The following EDA variants were observed in gnomAD, a reference collection of about 807,000 sequenced individuals.
EDA encodes the protein ectodysplasin A.
EDA carries 2 observed loss-of-function variants against 23.6 expected under a neutral mutation model. The observed-to-expected ratio is 0.08, with a 90% confidence interval of 0.03 to 0.27. EDA has a LOEUF of 0.27. Among genes scored for constraint, EDA ranks in the 10% least tolerant of loss-of-function variants. The pLI is 1.00. For synonymous variants in EDA, 131 were observed against 132.0 expected (o/e 0.99, Z 0.05); for missense variants, 229 against 324.2 (o/e 0.71, Z 2.26).
intron 1 of EDA, among the ~76,000 whole-genome samples, chrX:69,729,688 C>A (rs768893333): frequency 8.9e-6 from 1 of 111,785 alleles, no homozygotes; most frequent in Non-Finnish European, 1.9e-5. Context: ...GTATGTTCTA[C>A]GCAAAGCTAC....
chrX:69,712,900 A>G (rs2012133206), intron 1 of EDA, among the ~76,000 whole-genome samples: 2 of 111,057 alleles, frequency 1.8e-5, no homozygotes, highest in Admixed American at 9.6e-5. Flanking sequence ...TGATGAGTTC[A>G]TGTCCTTTGT....
chrX:69,961,196 A>G (rs2019097045), intron 2 of EDA, among the ~76,000 whole-genome samples: 1 of 111,319 alleles, frequency 9.0e-6, no homozygotes, highest in Admixed American at 9.6e-5. Flanking sequence ...GCTGGTCTCG[A>G]ACTGCTGACG....
chrX:69,800,192 G>A (rs1041437281), intron 1 of EDA, among the ~76,000 whole-genome samples: 3 of 111,793 alleles, frequency 2.7e-5, no homozygotes, highest in African/African-American at 9.7e-5. Context: ...GAGTGGAATG[G>A]ATACCAGAGA....
At chrX:69,909,937 C>T (rs780310394) in intron 1 of EDA, among the ~76,000 whole-genome samples, 2 of 111,453 alleles carry the variant, frequency 1.8e-5, no homozygotes, top group Non-Finnish European at 3.8e-5. Context: ...TTTCTATTTT[C>T]AGCCTAAATC....
intron 1 of EDA, among the ~76,000 whole-genome samples, chrX:69,848,272 T>C (rs774062070): frequency 9.0e-6 from 1 of 111,699 alleles, no homozygotes; most frequent in Non-Finnish European, 1.9e-5. Flanking sequence ...AATTTGGTTG[T>C]GAATAGGCAT....
intron 2 of EDA, among the ~76,000 whole-genome samples, chrX:70,011,838 T>C (rs1168917491): frequency 8.9e-6 from 1 of 111,924 alleles, no homozygotes; most frequent in African/African-American, 3.3e-5. Flanking sequence ...TTTGTATGAT[T>C]GATCCTCATC....
At chrX:69,836,387 C>T (rs1445884423) in intron 1 of EDA, among the ~76,000 whole-genome samples, 1 of 112,419 alleles carries the variant, frequency 8.9e-6, no homozygotes, top group Non-Finnish European at 1.9e-5. Flanking sequence ...TGGTGGGCAC[C>T]GCCCAGTTCA....
chrX:69,858,390 G>A (rs2017304490), intron 1 of EDA, among the ~76,000 whole-genome samples: 1 of 111,527 alleles, frequency 9.0e-6, no homozygotes, highest in East Asian at 2.8e-4. Flanking sequence ...ATTATTTTTA[G>A]GTATGCTTCT....
At chrX:69,871,774 A>G (rs1289144214) in intron 1 of EDA, among the ~76,000 whole-genome samples, 1 of 112,451 alleles carries the variant, frequency 8.9e-6, no homozygotes, top group African/African-American at 3.2e-5. Flanking sequence ...ACCTAAGAAT[A>G]ACTGGCTTTC....
chrX:69,679,250 C>T (rs1217661663), intron 1 of EDA, among the ~76,000 whole-genome samples: 18 of 105,034 alleles, frequency 1.7e-4, no homozygotes, highest in African/African-American at 5.9e-4. Flanking sequence ...ATTTTTGCAT[C>T]GATGTTCATC....
At chrX:69,793,398 C>T (rs2015457536) in intron 1 of EDA, among the ~76,000 whole-genome samples, 1 of 107,339 alleles carries the variant, frequency 9.3e-6, no homozygotes, top group African/African-American at 3.4e-5. Flanking sequence ...TAATTATCTC[C>T]CATAACACAC....
intron 1 of EDA, among the ~76,000 whole-genome samples, chrX:69,874,685 G>A (rs967125122): frequency 1.8e-5 from 2 of 111,751 alleles, no homozygotes; most frequent in East Asian, 2.8e-4. Context: ...ATCCAGATTC[G>A]TAGAGAGGAT....
chrX:69,963,392 G>A (rs1388297251), intron 2 of EDA, among the ~76,000 whole-genome samples: 1 of 111,554 alleles, frequency 9.0e-6, no homozygotes, highest in Non-Finnish European at 1.9e-5. Context: ...TTTTGAGAGC[G>A]ATAGAGTTTC....
chrX:69,921,767 T>C (rs1050071421), intron 1 of EDA, among the ~76,000 whole-genome samples: 26 of 111,599 alleles, frequency 2.3e-4, no homozygotes, highest in Non-Finnish European at 4.5e-4. Flanking sequence ...CTGTATCCCA[T>C]CCTGAGATCA....
At chrX:70,007,513 G>GT (rs1317237513) in intron 2 of EDA, among the ~76,000 whole-genome samples, 1 of 111,705 alleles carries the variant, frequency 9.0e-6, no homozygotes, top group Non-Finnish European at 1.9e-5. Flanking sequence ...AGACATGCCT[G>GT]TTTTGCCTTC....
chrX:69,990,740 CTT>C (rs747453925), intron 2 of EDA, among the ~76,000 whole-genome samples: 1 of 90,761 alleles, frequency 1.1e-5, no homozygotes, highest in Non-Finnish European at 2.2e-5. Context: ...TTTGCTAGGG[CTT>C]TTTTTTTTTT....
At chrX:69,695,930 C>T (rs1237445878) in intron 1 of EDA, among the ~76,000 whole-genome samples, 1 of 110,691 alleles carries the variant, frequency 9.0e-6, no homozygotes, top group Non-Finnish European at 1.9e-5. Flanking sequence ...AAAGAACTCT[C>T]AAAATTTCCT....
At chrX:69,751,463 C>T (rs1242358632) in intron 1 of EDA, among the ~76,000 whole-genome samples, 2 of 112,166 alleles carry the variant, frequency 1.8e-5, no homozygotes, top group African/African-American at 6.5e-5. Flanking sequence ...TAGCGCGATG[C>T]CTCCAGCTTT....
chrX:70,014,748 CTA>C (rs1416178809), intron 2 of EDA, among the ~76,000 whole-genome samples: 1 of 112,161 alleles, frequency 8.9e-6, no homozygotes, highest in Non-Finnish European at 1.9e-5. Context: ...GCAAAATACA[CTA>C]TAAAAATCTC....
Sources: gnomAD v4.1 joint callset for allele counts (sites outside exome capture counted in the v4.1 genomes callset) on GRCh38, gnomAD v4.1.1 for gene constraint, MANE v1.5 for transcripts, NCBI Gene and HGNC (gene_info 2026-07-23, HGNC 2026-07-21) for gene names.